MYO10: variants seen among roughly 807,000 people sequenced by gnomAD.
MYO10 encodes unconventional myosin-X.
In MYO10, 133 loss-of-function variants were observed where a neutral mutation model predicts 257.3. The observed-to-expected ratio is 0.52, with a 90% CI of 0.45 to 0.60. The LOEUF is 0.60. MYO10 is among the 20% of genes least tolerant of loss of function. The pLI is 0.00. For synonymous variants in MYO10, 1,104 were observed against 1,028.6 expected (o/e 1.07, Z -1.40); for missense variants, 2,399 against 2,635.7 (o/e 0.91, Z 1.97).
intron 2 of MYO10, among the ~76,000 whole-genome samples, chr5:16,823,437 T>C (rs1253897326): frequency 4.0e-5 from 1 of 24,922 alleles, no homozygotes; most frequent in Non-Finnish European, 8.7e-5. Context: ...AGGGCAAGAC[T>C]CCATCTTGCG....
chr5:16,755,386 C>T (rs1053739930), intron 18 of MYO10, among the ~76,000 whole-genome samples: 1 of 152,176 alleles, frequency 6.6e-6, no homozygotes, highest in Non-Finnish European at 1.5e-5. Flanking sequence ...AGGATGGTCT[C>T]GATCTCCTGA....
intron 1 of MYO10, among the ~76,000 whole-genome samples, chr5:16,882,181 G>A (rs77903289): frequency 0.017 from 2,664 of 152,246 alleles, 41 homozygotes; most frequent in Middle Eastern, 0.037. Context: ...CTATAAGACA[G>A]AGAGGCAATA....
chr5:16,935,700 G>A, intron 1 of MYO10, 88 bp downstream of exon 1: 1 of 1,552,788 alleles, frequency 6.4e-7, no homozygotes, highest in Non-Finnish European at 8.9e-7. Context: ...CCAGGGCTTA[G>A]GAAAAAGTAC....
chr5:16,864,119 T>C (rs1040586928), intron 2 of MYO10, among the ~76,000 whole-genome samples: 6 of 150,108 alleles, frequency 4.0e-5, no homozygotes, highest in Admixed American at 2.0e-4. Context: ...AAACAAAAAC[T>C]CCCACCATGA....
In MYO10 at chr5:16,687,800, T is replaced by C. The variant is rs181536536; in HGVS notation, c.3897-1969A>G. On this transcript the variant is annotated intron_variant, in intron 28 of 40. Transcript: ENST00000513610. ...TTCTGGTTAACCAAACAGCAAGACT[T>C]CATTGCTTTGCTCATCTCAAAAATA... Among the ~76,000 whole-genome samples, 332 of 152,220 alleles carry C rather than the reference T, an allele frequency of 2.2e-3. 2 individuals carry two copies. Among genetic ancestry groups the C allele is most frequent in the African/African-American group, 7.7e-3 (319 of 41,548 alleles).
At chr5:16,739,042 C>A (rs1431317089) in intron 19 of MYO10, among the ~76,000 whole-genome samples, 1 of 151,906 alleles carries the variant, frequency 6.6e-6, no homozygotes, top group Non-Finnish European at 1.5e-5. Context: ...CAACACAGAG[C>A]CAGGAGCAGT....
At chr5:16,754,980 C>A in intron 18 of MYO10, 72 bp from the exon 19 acceptor site, 1 of 936,738 alleles carries the variant, frequency 1.1e-6, no homozygotes, top group South Asian at 2.1e-5. Flanking sequence ...ACTCTAGGCA[C>A]TTAGAAACAA....
chr5:16,685,548 A>C (rs1384725856), intron 29 of MYO10, among the ~76,000 whole-genome samples, 190 bp downstream of exon 29: 1 of 152,006 alleles, frequency 6.6e-6, no homozygotes, highest in African/African-American at 2.4e-5. Flanking sequence ...ATATTGTACC[A>C]CTTATTATAT....
chr5:16,833,316 T>C (rs1035420507), intron 2 of MYO10, among the ~76,000 whole-genome samples: 2 of 151,406 alleles, frequency 1.3e-5, no homozygotes, highest in Non-Finnish European at 2.9e-5. Context: ...CAGGCTCAAA[T>C]GATTCTCCTG....
chr5:16,741,235 T>C (rs1229983103), intron 19 of MYO10, among the ~76,000 whole-genome samples: 2 of 152,176 alleles, frequency 1.3e-5, no homozygotes, highest in Non-Finnish European at 2.9e-5. Flanking sequence ...TCCAGGCCGA[T>C]TGCAAAATTC....
chr5:16,815,538 T>C lies in MYO10; in HGVS notation c.279+2471A>G, dbSNP rs181171753. ...TTATCAACTACAAGACTTTGTAATA[T>C]GAATGGCATTTATTTTATAAACATT... On this transcript the variant is annotated intron_variant, in intron 3 of 40. Coordinates refer to ENST00000513610, the MANE Select transcript of MYO10 (RefSeq NM_012334.3). 4.0e-4 allele frequency: 264 copies of C among 665,844 alleles called. 2 individuals carry two copies. In the East Asian group the frequency reaches 5.3e-3, roughly 13 times the overall value. 41.2% of individuals were successfully genotyped at this position (665,844 alleles called of 1,614,324 possible).
In MYO10 at chr5:16,844,643, C is replaced by A. The variant is rs145193225; in HGVS notation, c.121-26476G>T. Among the ~76,000 whole-genome samples, 32 of 152,232 alleles carry A rather than the reference C, an allele frequency of 2.1e-4. No individual in the cohort carries two copies. The East Asian group carries it at 6.0e-3, about 28-fold the overall frequency. On this transcript the variant is annotated intron_variant, in intron 2 of 40. Transcript: ENST00000513610. The stretch of plus-strand genomic sequence containing the variant: ...ATTCTAGTGCCTAATCTATACTCAA[C>A]TACTAATTCTAAATTTCACCTTGTA...
intron 2 of MYO10, among the ~76,000 whole-genome samples, chr5:16,855,308 G>A (rs542468004): frequency 1.8e-4 from 27 of 152,106 alleles, no homozygotes; most frequent in African/African-American, 6.3e-4. Context: ...ATAATGTCCC[G>A]AACAGGGAAC....
At chr5:16,865,931 C>A (rs1744232914) in intron 2 of MYO10, among the ~76,000 whole-genome samples, 1 of 151,296 alleles carries the variant, frequency 6.6e-6, no homozygotes, top group South Asian at 2.1e-4. Flanking sequence ...GATAACACGA[C>A]ATTATAAATG....
At chr5:16,838,633 G>A (rs75300697) in intron 2 of MYO10, among the ~76,000 whole-genome samples, 4,371 of 152,270 alleles carry the variant, frequency 0.029, 106 homozygotes, top group Admixed American at 0.08. Context: ...CATTGATGAA[G>A]GTGGCTACAC....
intron 2 of MYO10, among the ~76,000 whole-genome samples, chr5:16,824,438 C>T (rs1017139727): frequency 6.6e-6 from 1 of 152,132 alleles, no homozygotes; most frequent in Non-Finnish European, 1.5e-5. Flanking sequence ...CAAAGTGATA[C>T]CCAATACTAC....
Position 16,681,365 on chromosome 5 carries a change from A to G in MYO10, c.4328T>C (p.Val1443Ala). The change falls in exon 32 of 41, where the codon GTC becomes GCC. Residue 1443 changes from valine (V) to alanine (A), a missense_variant. Around this residue, in one of 3 missense-constraint regions of MYO10, gnomAD observed 1,820 missense variants for 1,939.4 expected, o/e 0.94. Transcript: ENST00000513610. ...GACGACAGAGCAGAGGCTGTTGAGGACCAGGGTCCCCAGTTTGAGCGCGTT... is the reference window on the plus strand; with the variant it reads ...GACGACAGAGCAGAGGCTGTTGAGGGCCAGGGTCCCCAGTTTGAGCGCGTT... ...EKNALKLGTL[V>A]LNSLCSVVPP... 1 of 1,613,992 alleles carries G rather than the reference A, an allele frequency of 6.2e-7. No individual in the cohort carries two copies. Among genetic ancestry groups the G allele is most frequent in the Non-Finnish European group, 8.5e-7 (1 of 1,179,886 alleles).
At chr5:16,905,387 G>A (rs774129791) in intron 1 of MYO10, among the ~76,000 whole-genome samples, 2 of 152,152 alleles carry the variant, frequency 1.3e-5, no homozygotes, top group African/African-American at 2.4e-5. Flanking sequence ...TACACCCAGA[G>A]TCCACTGCTC....
chr5:16,733,006 T>C (rs1247610726), intron 19 of MYO10, among the ~76,000 whole-genome samples: 1 of 152,090 alleles, frequency 6.6e-6, no homozygotes, highest in African/African-American at 2.4e-5. Context: ...TGGTAGCGGG[T>C]GCCTGTAATC....
Sources: gnomAD v4.1 joint callset for allele counts (sites outside exome capture counted in the v4.1 genomes callset) on GRCh38, gnomAD v4.1.1 for gene constraint, gnomAD v4.1.1 regional missense constraint, MANE v1.5 for transcripts, NCBI Gene and HGNC (gene_info 2026-07-23, HGNC 2026-07-21) for gene names.